NFASC: variants seen among roughly 807,000 people sequenced by gnomAD.
The protein encoded by NFASC is neurofascin.
NFASC carries 43 observed loss-of-function variants against 147.5 expected under a neutral mutation model. The ratio of observed to expected loss-of-function variants is 0.29; its 90% CI spans 0.23 to 0.38. NFASC has a LOEUF of 0.38. Among genes scored for constraint, NFASC ranks in the 10% least tolerant of loss-of-function variants. NFASC has a pLI of 1.00. For synonymous variants in NFASC, 622 were observed against 665.5 expected (o/e 0.93, Z 1.01); for missense variants, 1,320 against 1,689.0 (o/e 0.78, Z 3.83).
chr1:204,953,115 G>A (rs1018346299), intron 5 of NFASC, among the ~76,000 whole-genome samples: 2 of 152,208 alleles, frequency 1.3e-5, no homozygotes, highest in Admixed American at 6.5e-5. Flanking sequence ...AGCCCCTGCT[G>A]TTCCAGCTGC....
At chr1:204,851,326 C>CTTT (rs59834352) in intron 1 of NFASC, among the ~76,000 whole-genome samples, 7 of 136,342 alleles carry the variant, frequency 5.1e-5, no homozygotes, top group Non-Finnish European at 8.0e-5. Flanking sequence ...TCATGCTTTT[C>CTTT]TTTTTTTTTT....
intron 27 of NFASC, among the ~76,000 whole-genome samples, chr1:205,006,551 C>T (rs1558453741): frequency 1.3e-5 from 2 of 152,144 alleles, no homozygotes; most frequent in Non-Finnish European, 2.9e-5. Flanking sequence ...GAGACTGGAG[C>T]TCCCAGAAGG....
chr1:204,900,841 T>G (rs371772062), intron 1 of NFASC, among the ~76,000 whole-genome samples: 1 of 151,866 alleles, frequency 6.6e-6, no homozygotes, highest in Non-Finnish European at 1.5e-5. Context: ...GAAAACAGAT[T>G]AGTTTTTTTT....
intron 1 of NFASC, among the ~76,000 whole-genome samples, chr1:204,849,266 G>A (rs1040639930): frequency 1.3e-5 from 2 of 152,206 alleles, no homozygotes; most frequent in Non-Finnish European, 2.9e-5. Flanking sequence ...TCACAAGAGT[G>A]CTTGGCACAT....
intron 1 of NFASC, among the ~76,000 whole-genome samples, chr1:204,858,677 C>T (rs564478082): frequency 3.9e-5 from 6 of 152,162 alleles, no homozygotes; most frequent in Non-Finnish European, 7.4e-5. Context: ...CCTGCTTTCT[C>T]TTGCCGCTTC....
At chr1:204,962,440 GA>G (rs2094724468) in intron 8 of NFASC, among the ~76,000 whole-genome samples, 1 of 152,208 alleles carries the variant, frequency 6.6e-6, no homozygotes, top group African/African-American at 2.4e-5. Flanking sequence ...TGAAAAGCAG[GA>G]ACTTTTACTG....
chr1:204,861,526 G>C (rs772684175), intron 1 of NFASC, among the ~76,000 whole-genome samples: 2 of 152,132 alleles, frequency 1.3e-5, no homozygotes, highest in African/African-American at 2.4e-5. Flanking sequence ...GTCTCGCTCT[G>C]TTGCCCAAGC....
chr1:204,964,418 A>G (rs2094840107), intron 8 of NFASC, among the ~76,000 whole-genome samples: 7 of 152,276 alleles, frequency 4.6e-5, no homozygotes, highest in Admixed American at 4.6e-4. Context: ...GCCAAGGGGC[A>G]AAAAGCAGGT....
At chr1:204,888,711 G>A (rs1359320978) in intron 1 of NFASC, among the ~76,000 whole-genome samples, 2 of 152,188 alleles carry the variant, frequency 1.3e-5, no homozygotes, top group African/African-American at 4.8e-5. Context: ...GGGGTGGGAA[G>A]ACCTCCCATA....
At chr1:204,878,425 G>A (rs2079472787) in intron 1 of NFASC, among the ~76,000 whole-genome samples, 1 of 152,084 alleles carries the variant, frequency 6.6e-6, no homozygotes, top group Non-Finnish European at 1.5e-5. Flanking sequence ...ATAACTCCCT[G>A]GTCTTGTAAA....
intron 2 of NFASC, among the ~76,000 whole-genome samples, chr1:204,942,671 C>G (rs2595962): frequency 0.61 from 92,368 of 151,872 alleles, 30,155 homozygotes; most frequent in Non-Finnish European, 0.75. Flanking sequence ...AAAAGTGGAC[C>G]TGGAGAGACC....
intron 8 of NFASC, among the ~76,000 whole-genome samples, chr1:204,960,488 T>C (rs1269359517): frequency 2.6e-5 from 4 of 152,230 alleles, no homozygotes; most frequent in African/African-American, 9.6e-5. Context: ...ACACCCCTTC[T>C]TCCTCCAGTG....
At chr1:204,918,121 C>G (rs1364975505) in intron 1 of NFASC, among the ~76,000 whole-genome samples, 1 of 152,156 alleles carries the variant, frequency 6.6e-6, no homozygotes, top group Non-Finnish European at 1.5e-5. Context: ...CAGTATTACT[C>G]ATTTGATTTA....
intron 1 of NFASC, among the ~76,000 whole-genome samples, chr1:204,847,766 T>C (rs1442060424): frequency 6.6e-6 from 1 of 152,128 alleles, no homozygotes; most frequent in South Asian, 2.1e-4. Flanking sequence ...CACTGCCATC[T>C]CTGTTTGGAG....
At chr1:204,945,914 C>T (rs1408047700) in intron 3 of NFASC, among the ~76,000 whole-genome samples, 1 of 152,218 alleles carries the variant, frequency 6.6e-6, no homozygotes, top group East Asian at 1.9e-4. Flanking sequence ...TCCTCTCTCA[C>T]TCACCTGCTG....
intron 1 of NFASC, among the ~76,000 whole-genome samples, chr1:204,911,696 A>G (rs1389727658): frequency 6.6e-6 from 1 of 152,188 alleles, no homozygotes. Flanking sequence ...AAGAGATTTT[A>G]TTGAATTGGT....
At chr1:204,994,743 C>T (rs1313045516) in intron 24 of NFASC, among the ~76,000 whole-genome samples, 1 of 152,136 alleles carries the variant, frequency 6.6e-6, no homozygotes, top group East Asian at 1.9e-4. Context: ...GCAACCTCCT[C>T]CAAAGGGAGT....
chr1:204,984,274 G>A, intron 21 of NFASC: 2 of 632,636 alleles, frequency 3.2e-6, no homozygotes, highest in Non-Finnish European at 5.7e-6. Flanking sequence ...GACTCAAGAA[G>A]ATAATGTCTA....
chr1:204,831,272 G>A (rs1672161485), intron 1 of NFASC, among the ~76,000 whole-genome samples: 1 of 151,796 alleles, frequency 6.6e-6, no homozygotes, highest in Admixed American at 6.6e-5. Context: ...CAAGGCACAC[G>A]GAGGGAGAAG....
Sources: allele counts gnomAD v4.1 joint callset (sites outside exome capture counted in the v4.1 genomes callset), GRCh38; gene constraint gnomAD v4.1.1; transcripts MANE v1.5; gene names NCBI Gene and HGNC (gene_info 2026-07-23, HGNC 2026-07-21).